The following TMEM132D variants were observed in gnomAD, a reference collection of about 807,000 sequenced individuals.
The protein encoded by TMEM132D is mature OL transmembrane protein.
TMEM132D carries 21 observed loss-of-function variants against 62.3 expected under a neutral mutation model. The ratio of observed to expected loss-of-function variants is 0.34; its 90% CI spans 0.24 to 0.49. The LOEUF (loss-of-function observed/expected upper bound fraction) is 0.49, where lower values mean the gene tolerates loss of function less well. Among genes scored for constraint, TMEM132D ranks in the 20% least tolerant of loss-of-function variants. TMEM132D has a pLI of 0.99. For synonymous variants in TMEM132D, 621 were observed against 575.6 expected (o/e 1.08, Z -1.13); for missense variants, 1,346 against 1,402.8 (o/e 0.96, Z 0.65).
chr12:129,759,382 G>C (rs1054804065), intron 1 of TMEM132D, among the ~76,000 whole-genome samples: 7 of 152,172 alleles, frequency 4.6e-5, no homozygotes, highest in Non-Finnish European at 1.0e-4. Flanking sequence ...CAACTTTTAT[G>C]AGAGAAATCG....
intron 4 of TMEM132D, among the ~76,000 whole-genome samples, chr12:129,336,530 C>A (rs995582688): frequency 2.6e-5 from 4 of 151,808 alleles, no homozygotes; most frequent in African/African-American, 9.7e-5. Context: ...CAAGATCGCA[C>A]CACCGCACTC....
intron 4 of TMEM132D, among the ~76,000 whole-genome samples, chr12:129,258,803 C>G (rs1409242426): frequency 1.3e-5 from 2 of 152,122 alleles, no homozygotes; most frequent in Non-Finnish European, 2.9e-5. Flanking sequence ...TGAAAATAAG[C>G]AAACAAATAA....
At position 129,371,284 on chromosome 12, in the gene TMEM132D, C is replaced by T. The variant is rs12822077; in HGVS notation, c.1116-33467G>A. Among the ~76,000 whole-genome samples, 30,941 of 150,966 alleles carry T rather than the reference C, an allele frequency of 0.2. 3,708 individuals carry two copies. The highest frequency in any genetic ancestry group is 0.36 in the South Asian group (1,730 of 4,754). ...ATGATGATGAAGGTGGTGTTGGTGACGATGATGATGATGATGGAGATAATG... is the reference window on the plus strand; with the variant it reads ...ATGATGATGAAGGTGGTGTTGGTGATGATGATGATGATGATGGAGATAATG... On this transcript the variant is annotated intron_variant, in intron 3 of 8. Coordinates refer to ENST00000422113, the MANE Select transcript of TMEM132D (RefSeq NM_133448.3). This position sits in a 1 kb window ranked among gnomAD's most constrained non-coding sequence, Gnocchi z 4.3.
intron 5 of TMEM132D, among the ~76,000 whole-genome samples, chr12:129,108,504 T>C (rs991899812): frequency 6.6e-6 from 1 of 152,180 alleles, no homozygotes; most frequent in Admixed American, 6.5e-5. Flanking sequence ...GTGGCTGGGC[T>C]GTAATGTTCA....
At chr12:129,140,330 G>A (rs1373179964) in intron 5 of TMEM132D, among the ~76,000 whole-genome samples, 4 of 151,934 alleles carry the variant, frequency 2.6e-5, no homozygotes, top group East Asian at 3.9e-4. Context: ...CTATCATGTT[G>A]CACACCTTAA....
intron 3 of TMEM132D, among the ~76,000 whole-genome samples, chr12:129,374,180 G>A (rs1362813235): frequency 6.6e-6 from 1 of 152,006 alleles, no homozygotes; most frequent in African/African-American, 2.4e-5. Flanking sequence ...GAAGATGGAA[G>A]GTCTGAGATC....
chr12:129,759,849 A>G (rs1870292519), intron 1 of TMEM132D, among the ~76,000 whole-genome samples: 1 of 152,098 alleles, frequency 6.6e-6, no homozygotes, highest in Non-Finnish European at 1.5e-5. Context: ...AGCCATGAAA[A>G]TCAGATTCTC....
intron 1 of TMEM132D, among the ~76,000 whole-genome samples, chr12:129,881,057 A>G (rs1340785224): frequency 6.6e-6 from 1 of 152,114 alleles, no homozygotes; most frequent in East Asian, 1.9e-4. Flanking sequence ...TGAAGTAGTT[A>G]TATTAATAAT....
intron 4 of TMEM132D, among the ~76,000 whole-genome samples, chr12:129,326,217 A>G (rs566795422): frequency 2.0e-5 from 3 of 152,212 alleles, no homozygotes; most frequent in Non-Finnish European, 2.9e-5. Flanking sequence ...CACTTTTCTC[A>G]CGATAACACT....
intron 2 of TMEM132D, among the ~76,000 whole-genome samples, chr12:129,556,276 A>G (rs545183341): frequency 6.6e-6 from 1 of 152,188 alleles, no homozygotes; most frequent in South Asian, 2.1e-4. Flanking sequence ...CCAACATTAG[A>G]AAAAAAGGTG....
intron 3 of TMEM132D, among the ~76,000 whole-genome samples, chr12:129,502,187 G>C (rs528212546): frequency 1.9e-4 from 29 of 152,068 alleles, no homozygotes; most frequent in Middle Eastern, 3.4e-3. Context: ...TTTTAGTAGA[G>C]ACGGGGTTTC....
rs373234100 is a variant in TMEM132D, at chr12:129,765,957, C to A, written c.80-65259G>T. ...GTCTGCTTTCTGTTCCTTCTGGGAA[C>A]ATGGTAGAACTGCACTTCCTGATTT... is the stretch of plus-strand genomic sequence containing the variant. On this transcript the variant is annotated intron_variant, in intron 1 of 8. Transcript: ENST00000422113. Among the ~76,000 whole-genome samples the A allele has an allele frequency of 3.9e-5, 6 of 152,310 alleles. No individual in the cohort carries two copies. In the South Asian group the frequency reaches 1.2e-3, roughly 32 times the overall value.
intron 3 of TMEM132D, among the ~76,000 whole-genome samples, chr12:129,462,841 C>G (rs913647637): frequency 1.3e-5 from 2 of 152,126 alleles, no homozygotes; most frequent in Admixed American, 6.6e-5. Context: ...GATTCCAAGC[C>G]TTTCAAGTAA....
intron 8 of TMEM132D, among the ~76,000 whole-genome samples, chr12:129,076,146 G>T (rs1183287170): frequency 6.6e-6 from 1 of 152,138 alleles, no homozygotes; most frequent in African/African-American, 2.4e-5. Flanking sequence ...GTTATGCTTG[G>T]GAAGATGTGT....
intron 2 of TMEM132D, among the ~76,000 whole-genome samples, chr12:129,663,616 T>C (rs1489860363): frequency 6.6e-6 from 1 of 152,134 alleles, no homozygotes; most frequent in Non-Finnish European, 1.5e-5. Flanking sequence ...AAAACAGAAC[T>C]GTAAAAGCAA....
At chr12:129,337,595 C>CT in intron 4 of TMEM132D, 39 bp downstream of exon 4, 1 of 1,610,758 alleles carries the variant, frequency 6.2e-7, no homozygotes, top group Non-Finnish European at 8.5e-7. Flanking sequence ...TCCCCTCCCC[C>CT]GAGTTCAGTT....
intron 5 of TMEM132D, among the ~76,000 whole-genome samples, chr12:129,199,273 T>C (rs1231303365): frequency 6.6e-6 from 1 of 152,098 alleles, no homozygotes; most frequent in Non-Finnish European, 1.5e-5. Context: ...AGCTAATTTT[T>C]GTATTTTTGG....
intron 2 of TMEM132D, chr12:129,683,022 C>T (rs1425538565): frequency 6.6e-6 from 1 of 152,060 alleles, no homozygotes; most frequent in African/African-American, 2.4e-5. Flanking sequence ...AGGAAAGGCC[C>T]TGGCAGCGTG....
At chr12:129,643,686 G>C (rs1350260455) in intron 2 of TMEM132D, among the ~76,000 whole-genome samples, 1 of 152,108 alleles carries the variant, frequency 6.6e-6, no homozygotes. Flanking sequence ...TGCTCACTGA[G>C]ATAAATGCAT....
Sources: allele counts gnomAD v4.1 joint callset (sites outside exome capture counted in the v4.1 genomes callset), GRCh38; gene constraint gnomAD v4.1.1; non-coding constraint Gnocchi (gnomAD v3.1); transcripts MANE v1.5; gene names NCBI Gene and HGNC (gene_info 2026-07-23, HGNC 2026-07-21).